The following SNED1 variants were observed in gnomAD, a reference collection of about 807,000 sequenced individuals.
SNED1 encodes the protein sushi, nidogen and EGF like domains 1.
Under a neutral mutation model 166.7 loss-of-function variants are expected in SNED1, and 81 were observed. The ratio of observed to expected loss-of-function variants is 0.49; its 90% confidence interval spans 0.41 to 0.58. SNED1 has a LOEUF of 0.58. Ranked by LOEUF, SNED1 falls within the 20% of genes least tolerant of loss-of-function variation. The probability of loss-of-function intolerance (pLI) is 0.00; values close to 1 mark genes in which losing one functional copy is unlikely to be tolerated. For missense variants in SNED1, 1,604 were observed against 2,000.2 expected, an observed-to-expected ratio of 0.80 and a Z score of 3.78; for synonymous variants, 762 against 822.0, an observed-to-expected ratio of 0.93 and a Z score of 1.25.
At chr2:241,027,731 C>CTTTTTTT (rs1293401106) in intron 1 of SNED1, among the ~76,000 whole-genome samples, 1 of 137,288 alleles carries the variant, frequency 7.3e-6, no homozygotes, top group African/African-American at 2.7e-5. Flanking sequence ...TTATTTTCTT[C>CTTTTTTT]TGTTTTTTTT....
chr2:241,036,963 C>A, intron 5 of SNED1, 48 bp downstream of exon 5: 1 of 1,568,970 alleles, frequency 6.4e-7, no homozygotes, highest in Non-Finnish European at 8.6e-7. Context: ...GCGCTGGGCT[C>A]AGGAGGAGCA....
chr2:241,013,036 A>G lies in SNED1; in HGVS notation c.213+13986A>G, dbSNP rs921749798. Among the ~76,000 whole-genome samples, 38 of 152,128 alleles carry G rather than the reference A, an allele frequency of 2.5e-4. No individual in the cohort carries two copies. The highest frequency in any genetic ancestry group is 9.2e-4 in the African/African-American group (38 of 41,508). ...TTTTCAGTAGAGACAGGGTTTCACC[A>G]TGTTAGCCAGGATGGTCTCGATCTC... On this transcript the variant is annotated intron_variant, in intron 1 of 31. Coordinates refer to ENST00000310397, the MANE Select transcript of SNED1 (RefSeq NM_001080437.3). The surrounding 1 kb of genome is among the most constrained non-coding windows in gnomAD (Gnocchi z 4.6).
At chr2:241,081,831 A>C (rs1290022325) in intron 28 of SNED1, 38 bp downstream of exon 28, 6 of 1,442,088 alleles carry the variant, frequency 4.2e-6, no homozygotes, top group South Asian at 1.2e-5. Flanking sequence ...CCCTTCCAAC[A>C]CAGCCTGTGC....
intron 6 of SNED1, 37 bp from the exon 7 acceptor site, chr2:241,040,038 G>A (rs2061481227): frequency 4.7e-6 from 7 of 1,474,896 alleles, no homozygotes; most frequent in Non-Finnish European, 6.5e-6. Flanking sequence ...AACCATAACT[G>A]GGAGTCCATC....
rs937911306 is a variant in SNED1 at position 241,018,236 on chromosome 2, G to A, written c.214-12048G>A. Among the ~76,000 whole-genome samples the A allele has an allele frequency of 9.2e-5, 14 of 152,216 alleles. No individual in the cohort carries two copies. The highest frequency in any genetic ancestry group is 1.5e-4 in the Non-Finnish European group (10 of 68,042). On this transcript the variant is annotated intron_variant, in intron 1 of 31. Transcript: ENST00000310397. This position sits in a 1 kb window ranked among gnomAD's most constrained non-coding sequence, Gnocchi z 5.4. Reference sequence around the variant, plus strand: ...ACCATACACGACGTAACCCACAGGCGCTCAGATGACGGGGAAGCTATGAAT... The same window carrying A: ...ACCATACACGACGTAACCCACAGGCACTCAGATGACGGGGAAGCTATGAAT...
intron 31 of SNED1, chr2:241,088,690 G>A: frequency 2.2e-6 from 1 of 444,462 alleles, no homozygotes; most frequent in Non-Finnish European, 4.0e-6. Flanking sequence ...ATGTGGCCAA[G>A]AAACCCCTAG....
At chr2:241,006,274 T>C (rs994013223) in intron 1 of SNED1, among the ~76,000 whole-genome samples, 1 of 152,248 alleles carries the variant, frequency 6.6e-6, no homozygotes, top group Non-Finnish European at 1.5e-5. Flanking sequence ...TCCCTCATTA[T>C]GTTGACATTT....
At position 241,034,647 on chromosome 2, in the gene SNED1, C is replaced by T; in HGVS notation, c.722C>T (p.Thr241Ile). The part of the protein sequence containing the change: ...SRTADMAEVE[T>I]TTNVGVPGRW... ...ACAGCAGACATGGCCGAGGTGGAGACCACCACCAACGTGGGTGTGCCCGGG... is the reference window on the plus strand; with the variant it reads ...ACAGCAGACATGGCCGAGGTGGAGATCACCACCAACGTGGGTGTGCCCGGG... Residue 241 changes from threonine to isoleucine, a missense_variant, in exon 4 of 32, where the codon ACC (threonine) becomes ATC (isoleucine). This residue lies in a region of SNED1 where 1,237 missense variants were observed against 1,620.8 expected (regional missense o/e 0.76). Transcript: ENST00000310397. 6.2e-7 allele frequency: 1 copy of T among 1,611,554 alleles called. No homozygotes were observed.
intron 27 of SNED1, among the ~76,000 whole-genome samples, chr2:241,078,267 C>T (rs1281014550): frequency 6.6e-6 from 1 of 151,386 alleles, no homozygotes; most frequent in Non-Finnish European, 1.5e-5. Flanking sequence ...CCTGTAGTCC[C>T]AGCTCCTCAG....
Position 241,081,638 on chromosome 2 carries a change from G to A in SNED1, c.3917-39G>A, listed in dbSNP as rs752958780. On this transcript the variant is annotated intron_variant, in intron 27 of 31. Transcript: ENST00000310397. ...ATGTCCATGAGGCAGGCCTGTCCTGGGGTTCCAGTGACTAACCTCTCGTGA... is the reference window on the plus strand; with the variant it reads ...ATGTCCATGAGGCAGGCCTGTCCTGAGGTTCCAGTGACTAACCTCTCGTGA... The A allele has an allele frequency of 3.4e-5, 49 of 1,451,862 alleles. No individual in the cohort carries two copies. The South Asian group carries it at 5.0e-4, about 15-fold the overall frequency. 89.9% of individuals were successfully genotyped at this position (1,451,862 alleles called of 1,614,324 possible).
intron 8 of SNED1, chr2:241,041,015 C>T: frequency 2.7e-6 from 1 of 370,146 alleles, no homozygotes; most frequent in South Asian, 2.1e-5. Flanking sequence ...GTGGACGCAC[C>T]AGGTGCTGCT....
intron 5 of SNED1, 141 bp downstream of exon 5, chr2:241,037,056 G>A (rs2061394409): frequency 1.8e-6 from 2 of 1,132,546 alleles, no homozygotes; most frequent in Admixed American, 2.4e-5. Flanking sequence ...ACTTGCTTAG[G>A]GGACCACTGG....
chr2:240,999,127 C>T lies in SNED1; in HGVS notation c.213+77C>T. On this transcript the variant is annotated intron_variant, in intron 1 of 31. Transcript: ENST00000310397. This position sits in a 1 kb window ranked among gnomAD's most constrained non-coding sequence, Gnocchi z 5.8. ...CCGGCCGCTGCCCGCCGGGCCCGGA[C>T]TCCCGCCGCCGCCGCCAGCCACTTG... is the stretch of plus-strand genomic sequence containing the variant. 2.2e-6 allele frequency: 2 copies of T among 908,546 alleles called. No individual in the cohort carries two copies. The highest frequency in any genetic ancestry group is 2.8e-6 in the Non-Finnish European group (2 of 702,782). The allele number at this position is 908,546 out of a possible 1,614,324, so 56.3% of individuals were successfully genotyped here.
At chr2:241,014,071 C>T (rs1223842281) in intron 1 of SNED1, among the ~76,000 whole-genome samples, 4 of 151,196 alleles carry the variant, frequency 2.6e-5, no homozygotes, top group African/African-American at 9.7e-5. Context: ...CGCAGTGGTG[C>T]GATCTCAGTT....
At chr2:241,070,669 C>T (rs191210045) in intron 24 of SNED1, among the ~76,000 whole-genome samples, 3 of 152,316 alleles carry the variant, frequency 2.0e-5, no homozygotes, top group East Asian at 3.9e-4. Flanking sequence ...AGAAGCCGCT[C>T]GGAGTGGGGA....
chr2:241,035,886 C>T (rs1179162551), intron 4 of SNED1, among the ~76,000 whole-genome samples: 2 of 81,766 alleles, frequency 2.4e-5, no homozygotes, highest in Non-Finnish European at 4.8e-5. Flanking sequence ...GAGGTGGGGG[C>T]GTGCCATGGG....
chr2:241,076,950 G>T (rs2063052385), intron 27 of SNED1, among the ~76,000 whole-genome samples: 1 of 152,180 alleles, frequency 6.6e-6, no homozygotes, highest in African/African-American at 2.4e-5. Flanking sequence ...ATGGTGGCGG[G>T]CGCCTGTGGT....
At position 241,070,044 on chromosome 2, in the gene SNED1, G is replaced by C; in HGVS notation, c.3432G>C (p.Gln1144His). The change falls in exon 24 of 32, where the codon CAG becomes CAC. Residue 1144 changes from glutamine to histidine, a missense_variant. This residue lies in a region of SNED1 where 367 missense variants were observed against 379.4 expected (regional missense o/e 0.97). Coordinates refer to ENST00000310397, the MANE Select transcript of SNED1 (RefSeq NM_001080437.3). ...ATGTCATCAATGTGACCACCAGCCA[G>C]AGCACCAAGAGCCGCTATGTCCCCA... ...EAYVINVTTS[Q>H]STKSRYVPNG... is the part of the protein sequence containing the mutation. 1 of 1,613,036 alleles carries C rather than the reference G, an allele frequency of 6.2e-7. No homozygotes were observed. Among genetic ancestry groups the C allele is most frequent in the East Asian group, 2.2e-5 (1 of 44,868 alleles).
intron 24 of SNED1, 122 bp downstream of exon 24, chr2:241,070,323 G>A (rs1303040860): frequency 2.9e-6 from 3 of 1,039,196 alleles, no homozygotes; most frequent in Admixed American, 2.8e-5. Flanking sequence ...AAACAGGACC[G>A]TGTTAGCAGG....
Sources: allele counts gnomAD v4.1 joint callset (sites outside exome capture counted in the v4.1 genomes callset), GRCh38; gene constraint gnomAD v4.1.1; regional missense constraint gnomAD v4.1.1; non-coding constraint Gnocchi (gnomAD v3.1); transcripts MANE v1.5; gene names NCBI Gene and HGNC (gene_info 2026-07-23, HGNC 2026-07-21).